The following DST variants were observed in gnomAD, a reference collection of about 807,000 sequenced individuals.
The protein encoded by DST is dystonin.
A neutral mutation model predicts 875.2 loss-of-function variants in DST; 253 were observed. That is an observed-to-expected ratio of 0.29 (90% confidence interval 0.26 to 0.32). The LOEUF (loss-of-function observed/expected upper bound fraction) is 0.32, where lower values mean the gene tolerates loss of function less well. Ranked by LOEUF, DST falls within the 10% of genes least tolerant of loss-of-function variation. DST has a pLI of 1.00. For synonymous variants in DST, 3,124 were observed against 3,197.1 expected, an observed-to-expected ratio of 0.98 and a Z score of 0.77; for missense variants, 8,287 against 9,111.6, an observed-to-expected ratio of 0.91 and a Z score of 3.68.
chr6:56,858,108 C>T (rs189853231), intron 3 of DST, among the ~76,000 whole-genome samples: 27 of 152,248 alleles, frequency 1.8e-4, no homozygotes, highest in Admixed American at 3.3e-4. Flanking sequence ...AGTGGTGAGG[C>T]CATTAGCTGG....
intron 3 of DST, among the ~76,000 whole-genome samples, chr6:56,862,072 T>C (rs1771490682): frequency 6.6e-6 from 1 of 152,146 alleles, no homozygotes; most frequent in Non-Finnish European, 1.5e-5. Flanking sequence ...GGTGAATTTA[T>C]TGGCTTGGCA....
intron 23 of DST, among the ~76,000 whole-genome samples, chr6:56,636,308 AAC>A (rs926575368): frequency 6.6e-5 from 10 of 151,092 alleles, no homozygotes; most frequent in South Asian, 2.1e-4. Flanking sequence ...ATACATATAT[AAC>A]AGTGTGTGTA....
intron 2 of DST, among the ~76,000 whole-genome samples, chr6:56,915,663 A>T (rs891639435): frequency 6.6e-6 from 1 of 152,258 alleles, no homozygotes; most frequent in African/African-American, 2.4e-5. Flanking sequence ...AGTCTATTTC[A>T]AGGGCATCCT....
In DST at chr6:56,704,364, T is replaced by A. The variant is rs1356523918; in HGVS notation, c.693A>T (p.Arg231=). 1 of 1,550,348 alleles carries A rather than the reference T, an allele frequency of 6.5e-7. No homozygotes were observed. The highest frequency in any genetic ancestry group is 2.0e-5 in the Admixed American group (1 of 50,520). ...KWINQHLMKV[R]KHVNDLYEDL... ...CTTCATAGAGATCATTCACATGTTT[T>A]CGAACCTATAAAGAGAAAAGCAAAA... is the stretch of plus-strand genomic sequence containing the variant. Residue 231 remains arginine, a synonymous_variant, in exon 6 of 104, where the codon CGA becomes CGT. Coordinates refer to ENST00000680361, the MANE Select transcript of DST (RefSeq NM_001374736.1).
intron 2 of DST, among the ~76,000 whole-genome samples, chr6:56,903,688 G>A (rs748157355): frequency 1.3e-5 from 2 of 152,112 alleles, no homozygotes; most frequent in East Asian, 3.9e-4. Flanking sequence ...TCAAACTCCT[G>A]ACCTCATGAT....
chr6:56,487,399 T>C (rs1475208507), intron 86 of DST, 126 bp from the exon 87 acceptor site: 1 of 855,090 alleles, frequency 1.2e-6, no homozygotes, highest in East Asian at 3.0e-5. Flanking sequence ...TATAATGACT[T>C]GACTTAGGAT....
intron 4 of DST, among the ~76,000 whole-genome samples, chr6:56,740,985 T>C (rs114284945): frequency 0.014 from 2,185 of 152,246 alleles, 62 homozygotes; most frequent in African/African-American, 0.05. Flanking sequence ...TAATCTATTA[T>C]GTGTATTATA....
chr6:56,720,165 G>A (rs2099409312), intron 5 of DST, among the ~76,000 whole-genome samples: 1 of 152,118 alleles, frequency 6.6e-6, no homozygotes, highest in Admixed American at 6.5e-5. Flanking sequence ...AGCCATTTTA[G>A]AGACCCACCC....
At position 56,602,933 on chromosome 6, in the gene DST, A is replaced by T. The variant is rs2098459198; in HGVS notation, c.11256T>A (p.Ile3752=). The change falls in exon 43 of 104, where the codon ATT becomes ATA. Residue 3752 remains isoleucine (I), a synonymous_variant. Transcript: ENST00000680361. ...EKSKSVKDIE[I]VNVQDSEYVK... Reference sequence around the variant, plus strand: ...CATACTCAGAATCTTGAACATTCACAATCTCAATATCCTTCACAGATTTGC... The same window carrying T: ...CATACTCAGAATCTTGAACATTCACTATCTCAATATCCTTCACAGATTTGC... 1.9e-6 allele frequency: 3 copies of T among 1,581,530 alleles called. No individual in the cohort carries two copies. In the East Asian group the frequency reaches 6.8e-5, roughly 36 times the overall value.
intron 47 of DST, among the ~76,000 whole-genome samples, 195 bp downstream of exon 47, chr6:56,597,545 C>T (rs556907903): frequency 6.6e-6 from 1 of 152,168 alleles, no homozygotes; most frequent in South Asian, 2.1e-4. Context: ...ATGGAGAATG[C>T]CAACTCTACA....
chr6:56,536,490 T>C (rs990398894), intron 62 of DST, among the ~76,000 whole-genome samples: 1 of 152,180 alleles, frequency 6.6e-6, no homozygotes, highest in Non-Finnish European at 1.5e-5. Context: ...CCTGTACCTT[T>C]ACAGATGCAT....
chr6:56,914,595 G>A (rs1243614632), intron 2 of DST, among the ~76,000 whole-genome samples: 3 of 152,228 alleles, frequency 2.0e-5, no homozygotes, highest in South Asian at 4.2e-4. Context: ...TGTTTTTCCC[G>A]AGGGCACTCC....
In DST at chr6:56,866,952, TTCTTATTTA is replaced by T. The variant is rs144872224; in HGVS notation, c.418-15357_418-15349del. Among the ~76,000 whole-genome samples the T allele has an allele frequency of 0.013, 1,909 of 152,340 alleles. 119 individuals carry two copies. The East Asian group carries it at 0.2, about 16-fold the overall frequency. ...TTAGTTTTTTCTTATTTATCTTTAT[TTCTTATTTA>T]TCTTATTTATCATCGCCTGCAATAC... is the stretch of plus-strand genomic sequence containing the variant. On this transcript the variant is annotated intron_variant, in intron 3 of 103. Coordinates refer to ENST00000680361, the MANE Select transcript of DST (RefSeq NM_001374736.1).
Position 56,573,879 on chromosome 6 carries a change from CAAT to C in DST, c.13033_13035del (p.Ile4345del). 1 of 1,611,882 alleles carries C rather than the reference CAAT, an allele frequency of 6.2e-7. No homozygotes were observed. ...TTGGACAGATCCTCATATCTCCCAA[CAAT>C]GTCATCTACTCCAAACAGATCAGGA... On this transcript the variant is annotated inframe_deletion, in exon 51 of 104. Transcript: ENST00000680361.
At chr6:56,886,181 C>T (rs1055276414) in intron 3 of DST, among the ~76,000 whole-genome samples, 3 of 152,150 alleles carry the variant, frequency 2.0e-5, no homozygotes, top group African/African-American at 4.8e-5. Flanking sequence ...CAAATGGAAT[C>T]TATATTCTTC....
chr6:56,569,186 G>A (rs187657176), intron 54 of DST, among the ~76,000 whole-genome samples: 12 of 151,872 alleles, frequency 7.9e-5, no homozygotes, highest in African/African-American at 1.7e-4. Flanking sequence ...TTAGCTGGGC[G>A]TGGTGGCAGC....
At chr6:56,642,872 C>A in intron 15 of DST, 1 of 1,599,710 alleles carries the variant, frequency 6.3e-7, no homozygotes, top group South Asian at 1.1e-5. Flanking sequence ...CTACTTCTAA[C>A]GGTGAAAAGT....
intron 3 of DST, among the ~76,000 whole-genome samples, chr6:56,875,222 G>A (rs1308037634): frequency 6.6e-6 from 1 of 151,908 alleles, no homozygotes; most frequent in African/African-American, 2.4e-5. Flanking sequence ...CTGGCCTCGT[G>A]ATCCGCCCGC....
At chr6:56,545,787 C>G (rs1201052642) in intron 61 of DST, among the ~76,000 whole-genome samples, 2 of 152,142 alleles carry the variant, frequency 1.3e-5, no homozygotes, top group Non-Finnish European at 2.9e-5. Flanking sequence ...AGTAAACGCA[C>G]TATTATCAAT....
Sources: allele counts gnomAD v4.1 joint callset (sites outside exome capture counted in the v4.1 genomes callset), GRCh38; gene constraint gnomAD v4.1.1; transcripts MANE v1.5; gene names NCBI Gene and HGNC (gene_info 2026-07-23, HGNC 2026-07-21).